EPHA3: variants seen among roughly 807,000 people sequenced by gnomAD.
The protein encoded by EPHA3 is ephrin type-A receptor 3.
EPHA3 carries 42 observed loss-of-function variants against 107.1 expected under a neutral mutation model. The observed-to-expected ratio is 0.39, with a 90% CI of 0.31 to 0.51. The LOEUF is 0.51. Ranked by LOEUF, EPHA3 falls within the 20% of genes least tolerant of loss-of-function variation. The pLI, the probability that EPHA3 is intolerant of heterozygous loss-of-function variation, is 0.78. For missense variants in EPHA3, 1,183 were observed against 1,211.2 expected, an observed-to-expected ratio of 0.98 and a Z score of 0.35; for synonymous variants, 461 against 424.8, an observed-to-expected ratio of 1.09 and a Z score of -1.05.
At chr3:89,363,802 T>C (rs1480917592) in intron 5 of EPHA3, among the ~76,000 whole-genome samples, 3 of 150,866 alleles carry the variant, frequency 2.0e-5, no homozygotes, top group Non-Finnish European at 4.4e-5. Context: ...TCTTTTAATT[T>C]CACCCACTGA....
chr3:89,140,563 T>C, intron 2 of EPHA3, among the ~76,000 whole-genome samples: 1 of 151,774 alleles, frequency 6.6e-6, no homozygotes, highest in South Asian at 2.1e-4. Context: ...ACAAATGAGC[T>C]TTATAACTCC....
intron 15 of EPHA3, among the ~76,000 whole-genome samples, chr3:89,459,391 CTTCT>C (rs1559704399): frequency 6.6e-6 from 1 of 151,708 alleles, no homozygotes; most frequent in African/African-American, 2.4e-5. Flanking sequence ...AGAAATGTTT[CTTCT>C]TTCTTCTCTT....
intron 1 of EPHA3, among the ~76,000 whole-genome samples, chr3:89,113,485 CAAAA>C (rs753848304): frequency 5.4e-3 from 167 of 31,072 alleles, no homozygotes; most frequent in Middle Eastern, 0.033. Context: ...TTCCTTTGTA[CAAAA>C]AAAAAAAAAA....
intron 3 of EPHA3, among the ~76,000 whole-genome samples, chr3:89,332,097 C>T (rs1357384955): frequency 2.6e-5 from 4 of 152,130 alleles, no homozygotes. Flanking sequence ...CCCACATAAT[C>T]GTCTGCTCAT....
At chr3:89,338,352 C>T (rs1163165529) in intron 3 of EPHA3, among the ~76,000 whole-genome samples, 1 of 152,160 alleles carries the variant, frequency 6.6e-6, no homozygotes, top group African/African-American at 2.4e-5. Flanking sequence ...TATGATCTTT[C>T]TCAAATGGCG....
intron 2 of EPHA3, among the ~76,000 whole-genome samples, chr3:89,143,141 G>A (rs925261455): frequency 1.9e-4 from 29 of 151,230 alleles, no homozygotes; most frequent in Non-Finnish European, 3.7e-4. Context: ...AATTCTGCAC[G>A]ATACCTACAG....
intron 5 of EPHA3, among the ~76,000 whole-genome samples, chr3:89,364,074 A>C (rs1417212812): frequency 6.6e-6 from 1 of 150,776 alleles, no homozygotes; most frequent in Admixed American, 6.7e-5. Context: ...TTTGGAGATC[A>C]CCTTCTTATG....
intron 3 of EPHA3, among the ~76,000 whole-genome samples, chr3:89,326,644 C>G (rs1263809584): frequency 6.6e-6 from 1 of 151,922 alleles, no homozygotes; most frequent in African/African-American, 2.4e-5. Flanking sequence ...CCTGTCTCAG[C>G]CTCCTAAAGT....
At chr3:89,409,059 G>A (rs892870321) in intron 9 of EPHA3, among the ~76,000 whole-genome samples, 1 of 152,008 alleles carries the variant, frequency 6.6e-6, no homozygotes, top group Admixed American at 6.6e-5. Flanking sequence ...CCTGCAGGAA[G>A]CATACAGTAG....
chr3:89,269,459 A>G (rs1398673963), intron 3 of EPHA3, among the ~76,000 whole-genome samples: 1 of 151,958 alleles, frequency 6.6e-6, no homozygotes, highest in East Asian at 1.9e-4. Flanking sequence ...TTATTATTGT[A>G]GACACAGGGT....
chr3:89,198,182 A>G (rs1432193449), intron 2 of EPHA3, among the ~76,000 whole-genome samples: 1 of 152,166 alleles, frequency 6.6e-6, no homozygotes. Flanking sequence ...CATTTATATT[A>G]TTTTATAAGG....
At chr3:89,358,393 A>G (rs927634643) in intron 5 of EPHA3, among the ~76,000 whole-genome samples, 2 of 151,174 alleles carry the variant, frequency 1.3e-5, no homozygotes, top group African/African-American at 4.8e-5. Context: ...TTCTTTGGCA[A>G]TAAATAACAC....
At chr3:89,372,387 C>T (rs1298337087) in intron 5 of EPHA3, among the ~76,000 whole-genome samples, 1 of 151,446 alleles carries the variant, frequency 6.6e-6, no homozygotes, top group Non-Finnish European at 1.5e-5. Flanking sequence ...AGGTTCAAGC[C>T]TTTATATTCC....
At chr3:89,333,554 T>C (rs1204241291) in intron 3 of EPHA3, among the ~76,000 whole-genome samples, 1 of 152,106 alleles carries the variant, frequency 6.6e-6, no homozygotes, top group African/African-American at 2.4e-5. Flanking sequence ...AGCTGAAGAC[T>C]AGATTAGCAA....
chr3:89,224,745 A>T (rs910474644), intron 3 of EPHA3, among the ~76,000 whole-genome samples: 10 of 152,108 alleles, frequency 6.6e-5, no homozygotes, highest in Middle Eastern at 3.4e-3. Context: ...GCTACTCGGG[A>T]GGCTGAGGCA....
At chr3:89,191,379 T>C (rs1244469642) in intron 2 of EPHA3, among the ~76,000 whole-genome samples, 1 of 152,094 alleles carries the variant, frequency 6.6e-6, no homozygotes, top group African/African-American at 2.4e-5. Context: ...CGATCTCGGC[T>C]CACTGCAAGC....
chr3:89,472,590 T>G lies in EPHA3; in HGVS notation c.2817T>G (p.Ser939=). Residue 939 remains serine (S), a synonymous_variant, in exon 16 of 17, where the codon TCT becomes TCG. Coordinates refer to ENST00000336596, the MANE Select transcript of EPHA3 (RefSeq NM_005233.6). ...TCTTCACGGGTGTGGAGTACAGTTC[T>G]TGTGACACAATAGCCAAGATTTCCA... The part of the protein sequence containing the change: ...KEIFTGVEYS[S]CDTIAKISTD... The G allele has an allele frequency of 6.2e-7, 1 of 1,612,508 alleles. No homozygotes were observed. Among genetic ancestry groups the G allele is most frequent in the Non-Finnish European group, 8.5e-7 (1 of 1,179,056 alleles).
chr3:89,155,381 A>G (rs1414904181), intron 2 of EPHA3, among the ~76,000 whole-genome samples: 1 of 152,074 alleles, frequency 6.6e-6, no homozygotes, highest in African/African-American at 2.4e-5. Context: ...TAGTGGGTGT[A>G]TACCTTGTGC....
intron 5 of EPHA3, among the ~76,000 whole-genome samples, chr3:89,382,524 A>AG (rs1364129593): frequency 3.4e-4 from 51 of 152,104 alleles, no homozygotes; most frequent in African/African-American, 1.2e-3. Flanking sequence ...AAAAAAAAAA[A>AG]AGAGAATATT....
Sources: gnomAD v4.1 joint callset for allele counts (sites outside exome capture counted in the v4.1 genomes callset) on GRCh38, gnomAD v4.1.1 for gene constraint, MANE v1.5 for transcripts, NCBI Gene and HGNC (gene_info 2026-07-23, HGNC 2026-07-21) for gene names.